The following CYGB variants were observed in gnomAD, a reference collection of about 807,000 sequenced individuals.
The protein encoded by CYGB is histoglobin.
Under a neutral mutation model 20.7 loss-of-function variants are expected in CYGB, and 13 were observed. That is an observed-to-expected ratio of 0.63 (90% CI 0.41 to 1.00). CYGB has a LOEUF of 1.00. Among genes scored for constraint, CYGB ranks in the 50% least tolerant of loss-of-function variants. CYGB has a pLI of 0.00. For missense variants in CYGB, 218 were observed against 257.2 expected (o/e 0.85, Z 1.04); for synonymous variants, 93 against 107.4 (o/e 0.87, Z 0.83).
At chr17:76,540,306 G>T, upstream of CYGB, 1 of 1,423,634 alleles carries the variant, frequency 7.0e-7, no homozygotes, top group Non-Finnish European at 9.7e-7. This position sits in a 1 kb window ranked among gnomAD's most constrained non-coding sequence, Gnocchi z 5.0. Flanking sequence ...GGCAGGGGCT[G>T]CGTGAACCTT....
At position 76,527,960 on chromosome 17, in the gene CYGB, C is replaced by G. The variant is rs151082516; in HGVS notation, c.*618G>C. 0.01 allele frequency: 3,935 copies of G among 378,538 alleles called. 23 individuals are homozygous for G. Among genetic ancestry groups the G allele is most frequent in the Non-Finnish European group, 0.015 (2,775 of 186,952 alleles). 23.4% of individuals were successfully genotyped at this position (378,538 alleles called of 1,614,324 possible). A position where few individuals can be genotyped will look rare whatever the true frequency, so the allele number is the denominator to read the frequency against. ...GCCGCCAAGCCGGGTTGCCCCAGCC[C>G]TGCCCCTCCAGGCCCAGGTCCTCTG... On this transcript the variant is annotated 3_prime_UTR_variant, in exon 4 of 4. Coordinates refer to ENST00000293230, the MANE Select transcript of CYGB (RefSeq NM_134268.5).
At chr17:76,540,382 A>G (rs2074976475), upstream of CYGB, 2 of 1,311,198 alleles carry the variant, frequency 1.5e-6, no homozygotes, top group Admixed American at 1.7e-5. This position sits in a 1 kb window ranked among gnomAD's most constrained non-coding sequence, Gnocchi z 5.0. Flanking sequence ...AGGGGGACTT[A>G]GAGCTTCAAA....
chr17:76,544,595 CAGGCCGTG>C, intron 1 of CYGB: 1 of 456,746 alleles, frequency 2.2e-6, no homozygotes, highest in Non-Finnish European at 4.4e-6. Flanking sequence ...CAGCCTGACC[CAGGCCGTG>C]AGCCCGTGAT....
chr17:76,529,049 C>T, intron 3 of CYGB: 2 of 438,042 alleles, frequency 4.6e-6, no homozygotes, highest in Non-Finnish European at 5.9e-6. Flanking sequence ...ATTGCGCCCC[C>T]CCCCCACCCC....
chr17:76,532,469 C>G (rs1307709005), intron 1 of CYGB, among the ~76,000 whole-genome samples: 1 of 151,894 alleles, frequency 6.6e-6, no homozygotes, highest in Non-Finnish European at 1.5e-5. Context: ...TCCCAAGGCT[C>G]TCACGCACCC....
At chr17:76,532,246 C>T (rs777668810) in intron 1 of CYGB, among the ~76,000 whole-genome samples, 10 of 152,246 alleles carry the variant, frequency 6.6e-5, no homozygotes, top group Non-Finnish European at 1.5e-4. Flanking sequence ...ACATTCCCCA[C>T]TATACTCGCA....
intron 1 of CYGB, chr17:76,543,961 C>T (rs749101962): frequency 3.6e-5 from 17 of 466,612 alleles, no homozygotes; most frequent in African/African-American, 2.4e-4. Flanking sequence ...GTGTTCCAAA[C>T]GGGCAGTAGC....
Position 76,528,611 on chromosome 17 carries a change from G to T in CYGB, c.540C>A (p.Thr180=). Residue 180 remains threonine (T), a splice_region_variant and synonymous_variant, in exon 4 of 4, where the codon ACC becomes ACA. Transcript: ENST00000293230. The surrounding 1 kb of genome is among the most constrained non-coding windows in gnomAD (Gnocchi z 5.8). The part of the protein sequence containing the change: ...GWVQQVPNAT[T]PPATLPSSGP ...CCGAAGAGGGCAGTGTGGCCGGTGG[G>T]CTGTGGACGAGATAGGAAGGGAAGG... The T allele has an allele frequency of 7.8e-7, 1 of 1,277,878 alleles. No individual in the cohort carries two copies. The allele number at this position is 1,277,878 out of a possible 1,614,324, so 79.2% of individuals were successfully genotyped here.
Position 76,531,008 on chromosome 17 carries a change from G to A in CYGB, c.510C>T (p.Gly170=). The A allele has an allele frequency of 1.9e-6, 3 of 1,612,560 alleles. No homozygotes were observed. The highest frequency in any genetic ancestry group is 2.2e-5 in the East Asian group (1 of 44,806). The part of the protein sequence containing the change: ...SHVTAAYKEV[G]WVQQVPNATT... ...TGGCGTTGGGGACCTGCTGCACCCAGCCCACTTCCTTGTAGGCAGCGGTCA... is the reference window on the plus strand; with the variant it reads ...TGGCGTTGGGGACCTGCTGCACCCAACCCACTTCCTTGTAGGCAGCGGTCA... Residue 170 remains glycine (G), a synonymous_variant, in exon 3 of 4, where the codon GGC becomes GGT. Coordinates refer to ENST00000293230, the MANE Select transcript of CYGB (RefSeq NM_134268.5). The surrounding 1 kb of genome is among the most constrained non-coding windows in gnomAD (Gnocchi z 7.4).
At chr17:76,540,590 G>T (rs778402370), upstream of CYGB, 1 of 1,612,168 alleles carries the variant, frequency 6.2e-7, no homozygotes, top group East Asian at 2.2e-5. This position sits in a 1 kb window ranked among gnomAD's most constrained non-coding sequence, Gnocchi z 5.0. Context: ...CAGGAGTCTG[G>T]GCTGGGGGAG....
At chr17:76,539,995 A>G (rs139779268), upstream of CYGB, 476 of 806,866 alleles carry the variant, frequency 5.9e-4, 1 homozygote, top group African/African-American at 7.2e-3. Flanking sequence ...CCGCTGACCC[A>G]CTAATCAGCT....
At chr17:76,543,001 G>A (rs773829690) in intron 1 of CYGB, 4 of 485,180 alleles carry the variant, frequency 8.2e-6, no homozygotes, top group South Asian at 6.2e-5. Flanking sequence ...TGGGAGAAGT[G>A]CTGATCTGCT....
chr17:76,544,516 G>A (rs890510364), intron 1 of CYGB: 5 of 456,402 alleles, frequency 1.1e-5, no homozygotes, highest in Admixed American at 9.4e-5. Context: ...GCCTCTCAAA[G>A]TAGGGCAGGC....
upstream of CYGB, chr17:76,539,968 T>C: frequency 1.5e-6 from 1 of 662,352 alleles, no homozygotes; most frequent in Non-Finnish European, 2.6e-6. Context: ...GCTTAATCAG[T>C]CCTCACAAGG....
chr17:76,542,950 C>T (rs889707889), intron 1 of CYGB: 7 of 521,030 alleles, frequency 1.3e-5, no homozygotes, highest in South Asian at 6.2e-5. Flanking sequence ...AGGCGGTGCT[C>T]GGAAACATCC....
chr17:76,534,401 A>T (rs1409462507), intron 1 of CYGB, among the ~76,000 whole-genome samples: 1 of 151,796 alleles, frequency 6.6e-6, no homozygotes, highest in Non-Finnish European at 1.5e-5. Context: ...CTGGTGTCGA[A>T]CTCCTGACCT....
intron 1 of CYGB, chr17:76,547,176 G>C (rs2075060502): frequency 1.3e-5 from 2 of 152,330 alleles, no homozygotes; most frequent in Non-Finnish European, 2.9e-5. Context: ...AGGTGAGGGG[G>C]AGAGGAGAGC....
intron 3 of CYGB, chr17:76,529,227 C>G (rs1305572554): frequency 1.0e-6 from 1 of 985,318 alleles, no homozygotes; most frequent in Admixed American, 6.1e-5. Context: ...AGCAGGGAGG[C>G]TCTGCAGGCT....
At position 76,527,580 on chromosome 17, in the gene CYGB, A is replaced by G. The variant is rs1468220447; in HGVS notation, c.*998T>C. 1 of 449,532 alleles carries G rather than the reference A, an allele frequency of 2.2e-6. No homozygotes were observed. Among genetic ancestry groups the G allele is most frequent in the Admixed American group, 2.4e-5 (1 of 42,462 alleles). 27.8% of individuals were successfully genotyped at this position (449,532 alleles called of 1,614,324 possible). On this transcript the variant is annotated 3_prime_UTR_variant, in exon 4 of 4. Coordinates refer to ENST00000293230, the MANE Select transcript of CYGB (RefSeq NM_134268.5). ...GGGGCCCCCCTGGCAAGCCTGACGCAGATGAATAGACAGGGCCGACTGCCG... is the reference window on the plus strand; with the variant it reads ...GGGGCCCCCCTGGCAAGCCTGACGCGGATGAATAGACAGGGCCGACTGCCG...
Sources: allele counts gnomAD v4.1 joint callset (sites outside exome capture counted in the v4.1 genomes callset), GRCh38; gene constraint gnomAD v4.1.1; non-coding constraint Gnocchi (gnomAD v3.1); transcripts MANE v1.5; gene names NCBI Gene and HGNC (gene_info 2026-07-23, HGNC 2026-07-21).